The following MAFG variants were observed in gnomAD, a reference collection of about 807,000 sequenced individuals.
The protein encoded by MAFG is MAF bZIP transcription factor G.
In MAFG, 3 loss-of-function variants were observed where a neutral mutation model predicts 12.2. The observed-to-expected ratio is 0.25, with a 90% CI of 0.11 to 0.64. The LOEUF is 0.64. MAFG is among the 30% of genes least tolerant of loss of function. The probability of loss-of-function intolerance (pLI) is 0.85; values close to 1 mark genes in which losing one functional copy is unlikely to be tolerated. For synonymous variants in MAFG, 126 were observed against 109.1 expected (o/e 1.15, Z -0.96); for missense variants, 153 against 235.5 (o/e 0.65, Z 2.29).
Position 81,922,034 on chromosome 17 carries a change from T to C in MAFG, c.*571A>G, listed in dbSNP as rs1482282852. The C allele has an allele frequency of 2.6e-5, 4 of 152,420 alleles. No homozygotes were observed. Among genetic ancestry groups the C allele is most frequent in the Non-Finnish European group, 5.9e-5 (4 of 68,190 alleles). The allele number at this position is 152,420 out of a possible 1,614,324, so 9.4% of individuals were successfully genotyped here. A position where few individuals can be genotyped will look rare whatever the true frequency, so the allele number is the denominator to read the frequency against. On this transcript the variant is annotated 3_prime_UTR_variant, in exon 3 of 3. Coordinates refer to ENST00000357736, the MANE Select transcript of MAFG (RefSeq NM_002359.4). ...GGGTCAGGCCTGAGTGCACAGCCCC[T>C]GGGCCCAGCTGCACGCCCCCAGCAC...
At chr17:81,923,257 GCCGCACCCCCCCCCCC>G (rs2040911039) in intron 1 of MAFG, 43 bp from the exon 2 acceptor site, 1 of 544,388 alleles carries the variant, frequency 1.8e-6, no homozygotes, top group Non-Finnish European at 2.4e-6. Flanking sequence ...GACCACCCTC[GCCGCACCCCCCCCCCC>G]CCGCCCCCGG....
At chr17:81,929,567 A>C (rs994699905), upstream of MAFG, 1 of 152,224 alleles carries the variant, frequency 6.6e-6, no homozygotes, top group Non-Finnish European at 1.5e-5. This position sits in a 1 kb window ranked among gnomAD's most constrained non-coding sequence, Gnocchi z 5.7. Flanking sequence ...CCAGCTCCCC[A>C]CGGAGAGCCC....
rs143133030 is a variant in MAFG at position 81,922,803 on chromosome 17, G to A, written c.291C>T (p.Asn97=). The change falls in exon 3 of 3, where the codon AAC becomes AAT. Residue 97 remains asparagine, a synonymous_variant. Coordinates refer to ENST00000357736, the MANE Select transcript of MAFG (RefSeq NM_002359.4). ...CGTCGAGCTCCAGCTTCATGCTGGC[G>A]TTCTCTGAGGCCAGCTTCTCCACCT... ...QQEVEKLASE[N]ASMKLELDAL... The A allele has an allele frequency of 8.7e-5, 139 of 1,605,444 alleles. No individual in the cohort carries two copies. Among genetic ancestry groups the A allele is most frequent in the African/African-American group, 3.1e-4 (23 of 74,840 alleles).
Position 81,923,270 on chromosome 17 carries a change from C to CCCA in MAFG, c.-29-57_-29-56insTGG. On this transcript the variant is annotated intron_variant, in intron 1 of 2. Transcript: ENST00000357736. ...GAGACCACCCTCGCCGCACCCCCCCCCCCCCGCCCCCGGCCCAGTTCACAA... is the reference window on the plus strand; with the variant it reads ...GAGACCACCCTCGCCGCACCCCCCCCCCACCCCCGCCCCCGGCCCAGTTCACAA... 18 of 958,016 alleles carry CCCA rather than the reference C, an allele frequency of 1.9e-5. 1 individual carries two copies. In the South Asian group the frequency reaches 3.1e-4, roughly 17 times the overall value. 59.3% of individuals were successfully genotyped at this position (958,016 alleles called of 1,614,324 possible).
chr17:81,923,264 C>CA (rs960747029), intron 1 of MAFG, 50 bp from the exon 2 acceptor site: 22 of 605,684 alleles, frequency 3.6e-5, no homozygotes, highest in Admixed American at 2.5e-4. Flanking sequence ...CTCGCCGCAC[C>CA]CCCCCCCCCC....
rs981446434 is a variant in MAFG at position 81,924,668 on chromosome 17, G to C, written c.-29-1454C>G. ...AGCCAGCTCAGAGGCAAGGTCCCGA[G>C]GCTCCAGCCACTGGATTCTTCCAGA... On this transcript the variant is annotated intron_variant, in intron 1 of 2. Coordinates refer to ENST00000357736, the MANE Select transcript of MAFG (RefSeq NM_002359.4). This position sits in a 1 kb window ranked among gnomAD's most constrained non-coding sequence, Gnocchi z 4.7. Among the ~76,000 whole-genome samples the C allele has an allele frequency of 6.6e-6, 1 of 152,322 alleles. No homozygotes were observed. Among genetic ancestry groups the C allele is most frequent in the African/African-American group, 2.4e-5 (1 of 41,562 alleles).
At chr17:81,930,496 A>G (rs1466191545), upstream of MAFG, 1 of 148,230 alleles carries the variant, frequency 6.7e-6, no homozygotes, top group Non-Finnish European at 1.5e-5. This position sits in a 1 kb window ranked among gnomAD's most constrained non-coding sequence, Gnocchi z 4.1. Flanking sequence ...CCCTATCGCT[A>G]CAAGAAAAAA....
chr17:81,925,754 G>A (rs2040934071), intron 1 of MAFG, among the ~76,000 whole-genome samples: 1 of 149,828 alleles, frequency 6.7e-6, no homozygotes, highest in Non-Finnish European at 1.5e-5. Context: ...CTTGCAGTGA[G>A]CTGAGATCGC....
upstream of MAFG, among the ~76,000 whole-genome samples, chr17:81,928,906 C>T (rs2040963272): frequency 6.6e-6 from 1 of 152,192 alleles, no homozygotes; most frequent in African/African-American, 2.4e-5. This position sits in a 1 kb window ranked among gnomAD's most constrained non-coding sequence, Gnocchi z 8.1. Context: ...TCCTGCTCCG[C>T]GGGAGGGTGA....
At chr17:81,923,491 A>C in intron 1 of MAFG, 1 of 356,886 alleles carries the variant, frequency 2.8e-6, no homozygotes, top group East Asian at 5.1e-5. Flanking sequence ...AGGCAGGCGC[A>C]AGACAAGGGG....
chr17:81,925,574 C>T (rs746819892), intron 1 of MAFG, among the ~76,000 whole-genome samples: 2 of 152,060 alleles, frequency 1.3e-5, no homozygotes, highest in Non-Finnish European at 2.9e-5. Flanking sequence ...TTTGGGAGGC[C>T]GAGGTGGGTG....
In MAFG at chr17:81,921,226, G is replaced by C. The variant is rs1242626182; in HGVS notation, c.*1379C>G. The stretch of plus-strand genomic sequence containing the variant: ...CAGAACCCCATGTCTCACCTCCTAC[G>C]GACCAGGAGCTGGTGGTGGGCACAG... On this transcript the variant is annotated 3_prime_UTR_variant, in exon 3 of 3. Transcript: ENST00000357736. 6.6e-6 allele frequency: 1 copy of C among 152,226 alleles called. No individual in the cohort carries two copies. The highest frequency in any genetic ancestry group is 1.5e-5 in the Non-Finnish European group (1 of 68,076). 9.4% of individuals were successfully genotyped at this position (152,226 alleles called of 1,614,324 possible).
Position 81,922,877 on chromosome 17 carries a change from C to T in MAFG, c.217G>A (p.Val73Met). ...GYAASCRVKR[V>M]TQKEELEKQK... ...TTCTCCAGCTCCTCCTTCTGCGTCACCCGCTTCACGCGGCAGCTGGCAGCG... is the reference window on the plus strand; with the variant it reads ...TTCTCCAGCTCCTCCTTCTGCGTCATCCGCTTCACGCGGCAGCTGGCAGCG... The change falls in exon 3 of 3, where the codon GTG (valine) becomes ATG (methionine). Residue 73 changes from valine to methionine, a missense_variant. Val to Met is a conservative substitution (Grantham distance 21). Around this residue, in one of 3 missense-constraint regions of MAFG, gnomAD observed 29 missense variants for 75.3 expected, o/e 0.39. Coordinates refer to ENST00000357736, the MANE Select transcript of MAFG (RefSeq NM_002359.4). 2 of 1,611,684 alleles carry T rather than the reference C, an allele frequency of 1.2e-6. No individual in the cohort carries two copies. The highest frequency in any genetic ancestry group is 1.7e-6 in the Non-Finnish European group (2 of 1,179,382).
chr17:81,923,252 C>T, intron 1 of MAFG, 38 bp from the exon 2 acceptor site: 1 of 1,173,444 alleles, frequency 8.5e-7, no homozygotes, highest in South Asian at 1.9e-5. Flanking sequence ...CTGGAGACCA[C>T]CCTCGCCGCA....
chr17:81,923,250 CA>C, intron 1 of MAFG, 36 bp from the exon 2 acceptor site: 1 of 1,140,088 alleles, frequency 8.8e-7, no homozygotes, highest in Non-Finnish European at 1.2e-6. Context: ...CCCTGGAGAC[CA>C]CCCTCGCCGC....
chr17:81,928,830 CTCG>C (rs1432684223), upstream of MAFG, among the ~76,000 whole-genome samples: 3 of 152,230 alleles, frequency 2.0e-5, no homozygotes, highest in Non-Finnish European at 4.4e-5. This position sits in a 1 kb window ranked among gnomAD's most constrained non-coding sequence, Gnocchi z 8.1. Flanking sequence ...CTCCTCCCTG[CTCG>C]CGTCCTCATC....
At position 81,921,788 on chromosome 17, in the gene MAFG, A is replaced by C. The variant is rs933681965; in HGVS notation, c.*817T>G. On this transcript the variant is annotated 3_prime_UTR_variant, in exon 3 of 3. Coordinates refer to ENST00000357736, the MANE Select transcript of MAFG (RefSeq NM_002359.4). The stretch of plus-strand genomic sequence containing the variant: ...GGTCTTCTTGCTTGTTTTTTTTCTA[A>C]AAGACAGTTTTATAAATACTCTGCA... 10 of 151,362 alleles carry C rather than the reference A, an allele frequency of 6.6e-5. No homozygotes were observed. The highest frequency in any genetic ancestry group is 4.6e-4 in the Admixed American group (7 of 15,198). 9.4% of individuals were successfully genotyped at this position (151,362 alleles called of 1,614,324 possible).
In MAFG at chr17:81,921,220, T is replaced by C. The variant is rs1048300335; in HGVS notation, c.*1385A>G. ...GCATGACAGAACCCCATGTCTCACC[T>C]CCTACGGACCAGGAGCTGGTGGTGG... On this transcript the variant is annotated 3_prime_UTR_variant, in exon 3 of 3. Transcript: ENST00000357736. 2.6e-5 allele frequency: 4 copies of C among 152,026 alleles called. No individual in the cohort carries two copies. Among genetic ancestry groups the C allele is most frequent in the Non-Finnish European group, 5.9e-5 (4 of 68,062 alleles). The allele number at this position is 152,026 out of a possible 1,614,324, so 9.4% of individuals were successfully genotyped here. A position where few individuals can be genotyped will look rare whatever the true frequency, so the allele number is the denominator to read the frequency against.
chr17:81,922,849 T>C lies in MAFG; in HGVS notation c.245A>G (p.Gln82Arg). The C allele has an allele frequency of 6.2e-7, 1 of 1,611,274 alleles. No homozygotes were observed. The stretch of plus-strand genomic sequence containing the variant: ...CACCTCCTGCTGCAGCTCCGCCTTC[T>C]GCTTCTCCAGCTCCTCCTTCTGCGT... ...RVTQKEELEK[Q>R]KAELQQEVEK... The change falls in exon 3 of 3, where the codon CAG (glutamine) becomes CGG (arginine). Residue 82 changes from glutamine (Q) to arginine (R), a missense_variant. Physicochemically the swap from Gln to Arg is conservative, Grantham distance 43. This residue lies in a region of MAFG where 29 missense variants were observed against 75.3 expected (regional missense o/e 0.39). Coordinates refer to ENST00000357736, the MANE Select transcript of MAFG (RefSeq NM_002359.4).
Sources: gnomAD v4.1 joint callset for allele counts (sites outside exome capture counted in the v4.1 genomes callset) on GRCh38, gnomAD v4.1.1 for gene constraint, gnomAD v4.1.1 regional missense constraint, Gnocchi (gnomAD v3.1) non-coding constraint, MANE v1.5 for transcripts, NCBI Gene and HGNC (gene_info 2026-07-23, HGNC 2026-07-21) for gene names.